CDH12: variants seen among roughly 807,000 people sequenced by gnomAD.
CDH12 encodes the protein cadherin-12.
Under a neutral mutation model 74.1 loss-of-function variants are expected in CDH12, and 41 were observed. The ratio of observed to expected loss-of-function variants is 0.55; its 90% CI spans 0.43 to 0.72. CDH12 has a LOEUF of 0.72. Among genes scored for constraint, CDH12 ranks in the 30% least tolerant of loss-of-function variants. CDH12 has a pLI of 0.00. For missense variants in CDH12, 945 were observed against 977.2 expected (o/e 0.97, Z 0.44); for synonymous variants, 399 against 355.0 (o/e 1.12, Z -1.39).
At chr5:22,343,283 T>TACACACAC (rs70959717) in intron 3 of CDH12, among the ~76,000 whole-genome samples, 3,213 of 92,494 alleles carry the variant, frequency 0.035, 194 homozygotes, top group African/African-American at 0.11. Context: ...ACATAAACCC[T>TACACACAC]ACACACACAC....
At chr5:22,424,069 G>C (rs1419786429) in intron 2 of CDH12, among the ~76,000 whole-genome samples, 1 of 147,658 alleles carries the variant, frequency 6.8e-6, no homozygotes, top group African/African-American at 2.5e-5. Context: ...GAGGGTGACT[G>C]CATTATGCTT....
intron 12 of CDH12, among the ~76,000 whole-genome samples, chr5:21,764,648 C>G (rs1347611032): frequency 4.3e-5 from 1 of 23,362 alleles, no homozygotes; most frequent in Admixed American, 5.3e-4. Context: ...GACTTCATAT[C>G]AAGAAAAAAA....
At chr5:22,524,587 A>C (rs1024754915) in intron 1 of CDH12, among the ~76,000 whole-genome samples, 4 of 152,094 alleles carry the variant, frequency 2.6e-5, no homozygotes, top group African/African-American at 9.7e-5. Flanking sequence ...AATTTCCTTG[A>C]CTTCATATTG....
chr5:22,550,905 C>T (rs78723321), intron 1 of CDH12, among the ~76,000 whole-genome samples: 19 of 152,270 alleles, frequency 1.2e-4, no homozygotes, highest in Non-Finnish European at 2.6e-4. Context: ...GCTTTTTCTT[C>T]TGTGCTCAAA....
Position 21,751,857 on chromosome 5 carries a change from G to A in CDH12, c.2265C>T (p.Asp755=), listed in dbSNP as rs761207356. The A allele has an allele frequency of 6.2e-7, 1 of 1,614,054 alleles. No homozygotes were observed. The highest frequency in any genetic ancestry group is 8.5e-7 in the Non-Finnish European group (1 of 1,180,004). Residue 755 remains aspartate (D), a synonymous_variant, in exon 15 of 15, where the codon GAC becomes GAT. Transcript: ENST00000382254. ...CCTGGTCGGCTTCTGTGGTGAGAGA[G>A]TCTATAGAGCTGAGGGACTCTGCCA... is the stretch of plus-strand genomic sequence containing the variant. ...GSVAESLSSI[D]SLTTEADQDY... is the part of the protein sequence containing the mutation.
intron 1 of CDH12, among the ~76,000 whole-genome samples, chr5:22,551,650 T>C (rs1292865354): frequency 6.6e-6 from 1 of 152,032 alleles, no homozygotes; most frequent in Non-Finnish European, 1.5e-5. Flanking sequence ...ATAAAAAACA[T>C]GTGATATTCT....
chr5:22,593,139 T>C (rs957751077), intron 1 of CDH12, among the ~76,000 whole-genome samples: 4 of 152,130 alleles, frequency 2.6e-5, no homozygotes, highest in African/African-American at 9.7e-5. Context: ...AGTTTGCACT[T>C]GATTTTATAA....
chr5:22,103,740 T>C (rs534228100), intron 4 of CDH12, among the ~76,000 whole-genome samples: 2 of 152,342 alleles, frequency 1.3e-5, no homozygotes, highest in Admixed American at 1.3e-4. Flanking sequence ...GAAAATAACA[T>C]AGTACTTTCA....
intron 1 of CDH12, among the ~76,000 whole-genome samples, chr5:22,524,840 TA>T (rs1561467259): frequency 6.6e-6 from 1 of 152,108 alleles, no homozygotes; most frequent in East Asian, 1.9e-4. Flanking sequence ...CTTTAAGTTT[TA>T]GGGTACATGT....
intron 6 of CDH12, among the ~76,000 whole-genome samples, chr5:21,872,297 C>T (rs996631265): frequency 1.2e-4 from 19 of 152,166 alleles, no homozygotes; most frequent in Admixed American, 5.2e-4. Flanking sequence ...ATATTTCAGA[C>T]TATACATATT....
chr5:22,593,277 T>C (rs999835827), intron 1 of CDH12, among the ~76,000 whole-genome samples: 2 of 152,090 alleles, frequency 1.3e-5, no homozygotes, highest in African/African-American at 4.8e-5. Context: ...TAAATTTGTA[T>C]ATTTGGCCTA....
chr5:22,048,136 C>G (rs1358197480), intron 5 of CDH12, among the ~76,000 whole-genome samples: 1 of 152,084 alleles, frequency 6.6e-6, no homozygotes, highest in Non-Finnish European at 1.5e-5. Flanking sequence ...CAGGAGTTAA[C>G]CTGGATCTGG....
chr5:22,811,182 G>A (rs1749131155), intron 1 of CDH12, among the ~76,000 whole-genome samples: 1 of 151,488 alleles, frequency 6.6e-6, no homozygotes, highest in South Asian at 2.1e-4. Flanking sequence ...TATATATTTG[G>A]ATGGACAGTC....
chr5:22,756,884 G>C (rs986359473), intron 1 of CDH12, among the ~76,000 whole-genome samples: 1 of 151,836 alleles, frequency 6.6e-6, no homozygotes, highest in Non-Finnish European at 1.5e-5. Context: ...GCTTGAACCC[G>C]GGAGGCGGAG....
At chr5:22,315,728 G>T (rs1296751103) in intron 3 of CDH12, among the ~76,000 whole-genome samples, 2 of 152,048 alleles carry the variant, frequency 1.3e-5, no homozygotes, top group Non-Finnish European at 2.9e-5. Context: ...TTGGGCTTTA[G>T]GGGGACAACT....
At chr5:22,498,550 T>C (rs1747198992) in intron 2 of CDH12, among the ~76,000 whole-genome samples, 2 of 151,988 alleles carry the variant, frequency 1.3e-5, no homozygotes, top group Admixed American at 6.6e-5. Flanking sequence ...AGTGAATTCT[T>C]ATTTTTCTCT....
At chr5:22,281,360 G>C (rs1462832057) in intron 3 of CDH12, among the ~76,000 whole-genome samples, 1 of 152,086 alleles carries the variant, frequency 6.6e-6, no homozygotes, top group Non-Finnish European at 1.5e-5. Context: ...ACAAGGTATT[G>C]GGAGTTCTAG....
Position 22,438,382 on chromosome 5 carries a change from A to G in CDH12, c.-427-33031T>C, listed in dbSNP as rs1047842267. 2.6e-5 allele frequency among the ~76,000 whole-genome samples: 4 copies of G among 152,042 alleles called. No individual in the cohort carries two copies. In the East Asian group the frequency reaches 7.7e-4, roughly 29 times the overall value. ...AGAATTTGGTAGATCCTCACCAAGG[A>G]AGTGTTATTGCGTGAATGAAGATAT... On this transcript the variant is annotated intron_variant, in intron 2 of 14. Transcript: ENST00000382254.
At position 22,698,713 on chromosome 5, in the gene CDH12, ATATATATATATATATATATATAGTGT is replaced by A. The variant is rs1191192580; in HGVS notation, c.-523+154319_-523+154344del. ...TATATATATATATATATATATATAT[ATATATATATATATATATATATAGTGT>A]GTGTGTGTGTGTGTGTGTGTGTGTG... On this transcript the variant is annotated intron_variant, in intron 1 of 14. Transcript: ENST00000382254. 3.3e-3 allele frequency among the ~76,000 whole-genome samples: 78 copies of A among 23,776 alleles called. 3 individuals are homozygous for A. The highest frequency in any genetic ancestry group is 5.3e-3 in the African/African-American group (32 of 6,062). The allele number at this position is 23,776 out of a possible 152,430, so 15.6% of individuals were successfully genotyped here. A position where few individuals can be genotyped will look rare whatever the true frequency, so the allele number is the denominator to read the frequency against.
Sources: gnomAD v4.1 joint callset for allele counts (sites outside exome capture counted in the v4.1 genomes callset) on GRCh38, gnomAD v4.1.1 for gene constraint, MANE v1.5 for transcripts, NCBI Gene and HGNC (gene_info 2026-07-23, HGNC 2026-07-21) for gene names.